The following EIF4G3 variants were observed in gnomAD, a reference collection of about 807,000 sequenced individuals.
EIF4G3 encodes the protein eukaryotic translation initiation factor 4 gamma 3.
In EIF4G3, 34 loss-of-function variants were observed where a neutral mutation model predicts 186.4. The observed-to-expected ratio is 0.18, with a 90% CI of 0.14 to 0.24. The LOEUF (loss-of-function observed/expected upper bound fraction) is 0.24. Among genes scored for constraint, EIF4G3 ranks in the 10% least tolerant of loss-of-function variants. The pLI is 1.00. For synonymous variants in EIF4G3, 673 were observed against 679.5 expected, an observed-to-expected ratio of 0.99 and a Z score of 0.15; for missense variants, 1,536 against 1,948.5, an observed-to-expected ratio of 0.79 and a Z score of 3.99.
chr1:20,874,339 T>C (rs1237056791), intron 20 of EIF4G3, among the ~76,000 whole-genome samples: 1 of 152,214 alleles, frequency 6.6e-6, no homozygotes, highest in Non-Finnish European at 1.5e-5. Flanking sequence ...CTAGCATCTA[T>C]TGTTTCCTTT....
rs568114289 is a variant in EIF4G3, at chr1:20,905,948, T to C, written c.1664-977A>G. Among the ~76,000 whole-genome samples, 3 of 152,338 alleles carry C rather than the reference T, an allele frequency of 2.0e-5. No homozygotes were observed. The East Asian group carries it at 5.8e-4, about 29-fold the overall frequency. ...AGACTCTGGGACAGTCTCATCTTTT[T>C]TGGTATGACAGTAGAACGTGCACAC... is the stretch of plus-strand genomic sequence containing the variant. On this transcript the variant is annotated intron_variant, in intron 14 of 36. Coordinates refer to ENST00000602326, the MANE Select transcript of EIF4G3 (RefSeq NM_001391906.1).
intron 3 of EIF4G3, among the ~76,000 whole-genome samples, chr1:21,088,219 A>T (rs1193931124): frequency 3.3e-5 from 5 of 152,138 alleles, no homozygotes; most frequent in Admixed American, 6.5e-5. Flanking sequence ...TGAGGTCAGG[A>T]GTTCGAGACC....
At chr1:20,989,081 G>GGAAGGGGAGGGGAGAGGAGA (rs2080335405) in intron 7 of EIF4G3, among the ~76,000 whole-genome samples, 2 of 36,922 alleles carry the variant, frequency 5.4e-5, no homozygotes, top group Admixed American at 3.1e-4. Flanking sequence ...GGGAGGGGAG[G>GGAAGGGGAGGGGAGAGGAGA]GGAGAGGAGA....
intron 29 of EIF4G3, among the ~76,000 whole-genome samples, chr1:20,842,996 C>T (rs1447511693): frequency 6.6e-6 from 1 of 151,970 alleles, no homozygotes; most frequent in African/African-American, 2.4e-5. Flanking sequence ...AGGCATGCCA[C>T]CATGCCCGGC....
chr1:21,089,354 A>T, intron 2 of EIF4G3, 141 bp from the exon 3 acceptor site: 1 of 597,012 alleles, frequency 1.7e-6, no homozygotes. Flanking sequence ...AAAACTAAAA[A>T]CCAAATGTTT....
chr1:20,980,935 T>C lies in EIF4G3; in HGVS notation c.378+113A>G, dbSNP rs944484716. 9.8e-6 allele frequency: 8 copies of C among 817,372 alleles called. No individual in the cohort carries two copies. The South Asian group carries it at 2.8e-4, about 29-fold the overall frequency. 50.6% of individuals were successfully genotyped at this position (817,372 alleles called of 1,614,324 possible). On this transcript the variant is annotated intron_variant, in intron 9 of 36. Coordinates refer to ENST00000602326, the MANE Select transcript of EIF4G3 (RefSeq NM_001391906.1). ...CTAGATTTGTAACCAACAAAACAGT[T>C]CACACGTCACCGAAAACTAATACCA...
chr1:21,131,496 G>C (rs571925007), intron 2 of EIF4G3, among the ~76,000 whole-genome samples: 2 of 142,938 alleles, frequency 1.4e-5, no homozygotes, highest in Non-Finnish European at 3.0e-5. Flanking sequence ...AAGAAGTTTA[G>C]AGAAATCCTA....
intron 3 of EIF4G3, among the ~76,000 whole-genome samples, chr1:21,068,954 C>CA (rs2095357821): frequency 1.3e-5 from 2 of 152,288 alleles, no homozygotes; most frequent in Admixed American, 1.3e-4. Context: ...AATGCTGGTA[C>CA]ACAAAAAGTT....
chr1:21,099,161 T>C (rs1041795948), intron 2 of EIF4G3, among the ~76,000 whole-genome samples: 6 of 152,176 alleles, frequency 3.9e-5, no homozygotes, highest in Non-Finnish European at 7.4e-5. Flanking sequence ...ATCTCACACG[T>C]TGGTAGAGTG....
At chr1:21,088,683 G>A (rs951361062) in intron 3 of EIF4G3, among the ~76,000 whole-genome samples, 1 of 152,000 alleles carries the variant, frequency 6.6e-6, no homozygotes, top group Non-Finnish European at 1.5e-5. Flanking sequence ...TGGCCACCAC[G>A]GTGAAACCCC....
chr1:21,122,299 T>C (rs7550267), intron 2 of EIF4G3, among the ~76,000 whole-genome samples: 56,153 of 151,372 alleles, frequency 0.37, 11,006 homozygotes, highest in Non-Finnish European at 0.43. Context: ...ATATGAAAAC[T>C]CCTTTATACG....
chr1:20,864,798 C>T (rs1557982956), intron 21 of EIF4G3, 86 bp from the exon 22 acceptor site: 15 of 1,146,580 alleles, frequency 1.3e-5, no homozygotes, highest in South Asian at 8.5e-5. Context: ...TCAGAATCCC[C>T]GTGAGAATCT....
intron 16 of EIF4G3, among the ~76,000 whole-genome samples, chr1:20,898,078 T>C (rs2088951214): frequency 6.6e-6 from 1 of 152,162 alleles, no homozygotes. Context: ...GAACACAGTA[T>C]ACAAGCCTAA....
intron 12 of EIF4G3, among the ~76,000 whole-genome samples, chr1:20,963,931 CA>C (rs35997561): frequency 0.14 from 17,422 of 122,480 alleles, 1,123 homozygotes; most frequent in South Asian, 0.3. Context: ...GACTCCATCT[CA>C]AAAAAAAAAA....
intron 33 of EIF4G3, among the ~76,000 whole-genome samples, chr1:20,819,059 A>G (rs1439119054): frequency 2.0e-5 from 3 of 152,082 alleles, no homozygotes; most frequent in Non-Finnish European, 4.4e-5. Context: ...GCACCACTGC[A>G]CCCAGCTCCA....
intron 7 of EIF4G3, among the ~76,000 whole-genome samples, chr1:20,991,122 G>A (rs1407906013): frequency 5.3e-5 from 8 of 152,166 alleles, no homozygotes; most frequent in African/African-American, 1.9e-4. Flanking sequence ...AATTTATAAT[G>A]GAGATTATTC....
At chr1:21,172,068 T>C (rs1029822317) in intron 2 of EIF4G3, among the ~76,000 whole-genome samples, 2 of 151,598 alleles carry the variant, frequency 1.3e-5, no homozygotes, top group Admixed American at 6.6e-5. Flanking sequence ...GAAAATACTT[T>C]GAATTTTTAG....
At chr1:20,988,957 T>C (rs2080226129) in intron 7 of EIF4G3, among the ~76,000 whole-genome samples, 1 of 148,768 alleles carries the variant, frequency 6.7e-6, no homozygotes, top group South Asian at 2.2e-4. Context: ...TCCCAGCTAC[T>C]TAGGAGGCTG....
intron 12 of EIF4G3, among the ~76,000 whole-genome samples, chr1:20,950,554 A>T (rs1340191706): frequency 6.6e-6 from 1 of 152,204 alleles, no homozygotes; most frequent in Non-Finnish European, 1.5e-5. Flanking sequence ...AATGAGGCTG[A>T]AAAGCGGTTA....
Sources: gnomAD v4.1 joint callset for allele counts (sites outside exome capture counted in the v4.1 genomes callset) on GRCh38, gnomAD v4.1.1 for gene constraint, MANE v1.5 for transcripts, NCBI Gene and HGNC (gene_info 2026-07-23, HGNC 2026-07-21) for gene names.